SERPINB7: variants seen among roughly 807,000 people sequenced by gnomAD.
SERPINB7 encodes serpin B7.
A neutral mutation model predicts 37.4 loss-of-function variants in SERPINB7; 31 were observed. The observed-to-expected ratio is 0.83, with a 90% CI of 0.62 to 1.12. The LOEUF (loss-of-function observed/expected upper bound fraction) is 1.12, where lower values mean the gene tolerates loss of function less well. Among genes scored for constraint, SERPINB7 ranks in the 50% most tolerant of loss-of-function variants. The probability of loss-of-function intolerance (pLI) is 0.00; values close to 1 mark genes in which losing one functional copy is unlikely to be tolerated. For synonymous variants in SERPINB7, 163 were observed against 166.1 expected, an observed-to-expected ratio of 0.98 and a Z score of 0.14; for missense variants, 521 against 455.3, an observed-to-expected ratio of 1.14 and a Z score of -1.31.
Position 63,804,795 on chromosome 18 carries a change from C to A in SERPINB7, c.*160C>A. On this transcript the variant is annotated 3_prime_UTR_variant, in exon 8 of 8. Coordinates refer to ENST00000398019, the MANE Select transcript of SERPINB7 (RefSeq NM_003784.4). ...CACTGGTGACTTGACCCTTCCTAGACACCTGGTTGATTGTCCTGATCCCTG... is the reference window on the plus strand; with the variant it reads ...CACTGGTGACTTGACCCTTCCTAGAAACCTGGTTGATTGTCCTGATCCCTG... 1 of 664,082 alleles carries A rather than the reference C, an allele frequency of 1.5e-6. No individual in the cohort carries two copies. Among genetic ancestry groups the A allele is most frequent in the East Asian group, 2.7e-5 (1 of 36,676 alleles). The allele number at this position is 664,082 out of a possible 1,614,324, so 41.1% of individuals were successfully genotyped here.
intron 1 of SERPINB7, among the ~76,000 whole-genome samples, chr18:63,776,323 AG>A (rs1466769661): frequency 6.6e-6 from 1 of 151,996 alleles, no homozygotes; most frequent in Non-Finnish European, 1.5e-5. Context: ...CCCACCCACT[AG>A]GGGTAACTAA....
upstream of SERPINB7, among the ~76,000 whole-genome samples, chr18:63,772,005 G>A (rs544839616): frequency 1.5e-4 from 23 of 151,812 alleles, no homozygotes; most frequent in Admixed American, 1.2e-3. Context: ...TACATGTGCA[G>A]GTTTGTTATA....
intron 2 of SERPINB7, among the ~76,000 whole-genome samples, chr18:63,783,233 A>G (rs1296064247): frequency 1.5e-5 from 1 of 65,062 alleles, no homozygotes; most frequent in African/African-American, 4.6e-5. Flanking sequence ...AGAGAGAGAG[A>G]GAAAGAAAGA....
upstream of SERPINB7, among the ~76,000 whole-genome samples, chr18:63,771,303 G>A (rs1443985538): frequency 6.6e-6 from 1 of 152,066 alleles, no homozygotes; most frequent in African/African-American, 2.4e-5. Context: ...CTTCAAGGAA[G>A]CCTAAGTGAA....
chr18:63,759,037 G>A (rs1380856819), intron 1 of SERPINB7, among the ~76,000 whole-genome samples: 8 of 152,082 alleles, frequency 5.3e-5, no homozygotes, highest in African/African-American at 1.4e-4. Context: ...CTCCTAATAC[G>A]TTTCTACTTG....
intron 1 of SERPINB7, among the ~76,000 whole-genome samples, chr18:63,779,633 A>ATT (rs530112561): frequency 6.7e-6 from 1 of 149,684 alleles, no homozygotes. Flanking sequence ...CTCTGTCGTG[A>ATT]TTTTTTTTTT....
intron 5 of SERPINB7, 121 bp downstream of exon 5, chr18:63,796,504 T>C (rs1362439039): frequency 3.6e-6 from 2 of 562,736 alleles, no homozygotes; most frequent in African/African-American, 1.9e-5. Flanking sequence ...AAAGTAATGA[T>C]TGCTGCTACT....
chr18:63,784,253 A>G (rs141214601), intron 2 of SERPINB7, among the ~76,000 whole-genome samples: 7 of 152,284 alleles, frequency 4.6e-5, no homozygotes, highest in Non-Finnish European at 1.0e-4. Flanking sequence ...CTTTGGCACT[A>G]TTGACATTTT....
chr18:63,790,588 A>C (rs955659759), intron 2 of SERPINB7, among the ~76,000 whole-genome samples: 1 of 152,226 alleles, frequency 6.6e-6, no homozygotes, highest in Non-Finnish European at 1.5e-5. Flanking sequence ...AGTTATAAAC[A>C]ATAAGAAAGA....
chr18:63,790,894 G>T (rs2049419838), intron 2 of SERPINB7, among the ~76,000 whole-genome samples: 1 of 152,134 alleles, frequency 6.6e-6, no homozygotes. Context: ...CAACCCAAAT[G>T]CCCAGCAATG....
chr18:63,774,611 C>T (rs1477071211), upstream of SERPINB7, among the ~76,000 whole-genome samples: 1 of 152,060 alleles, frequency 6.6e-6, no homozygotes, highest in Non-Finnish European at 1.5e-5. Context: ...TTTCAAAGTG[C>T]AAACCCACTT....
At chr18:63,783,186 A>AAGAAAGAG (rs2049320533) in intron 2 of SERPINB7, among the ~76,000 whole-genome samples, 10 of 75,320 alleles carry the variant, frequency 1.3e-4, no homozygotes, top group African/African-American at 3.0e-4. Context: ...GAAAGAAAGA[A>AAGAAAGAG]AGAGAGAGAG....
chr18:63,784,994 G>T (rs1568208764), intron 2 of SERPINB7, among the ~76,000 whole-genome samples: 1 of 152,196 alleles, frequency 6.6e-6, no homozygotes, highest in Non-Finnish European at 1.5e-5. Flanking sequence ...AACTGAGAGA[G>T]CTGCTGTTCT....
chr18:63,804,206 A>G, intron 7 of SERPINB7, 31 bp from the exon 8 acceptor site: 1 of 1,461,018 alleles, frequency 6.8e-7, no homozygotes, highest in Non-Finnish European at 9.2e-7. Context: ...TGACCATATG[A>G]TTCTAAATTA....
At chr18:63,771,113 A>G (rs2049208686), upstream of SERPINB7, among the ~76,000 whole-genome samples, 1 of 152,066 alleles carries the variant, frequency 6.6e-6, no homozygotes, top group East Asian at 1.9e-4. Context: ...ATGTACAAGA[A>G]AGTAAGAGAC....
chr18:63,774,838 C>G (rs1044878262), upstream of SERPINB7, among the ~76,000 whole-genome samples: 1 of 151,884 alleles, frequency 6.6e-6, no homozygotes, highest in African/African-American at 2.4e-5. Flanking sequence ...CTGGAAAATT[C>G]CAAGCCAGAG....
At chr18:63,762,205 G>T (rs141667970) in intron 1 of SERPINB7, among the ~76,000 whole-genome samples, 1 of 152,168 alleles carries the variant, frequency 6.6e-6, no homozygotes, top group Non-Finnish European at 1.5e-5. Flanking sequence ...AAGAAAATTC[G>T]TTCAGTCAAT....
intron 1 of SERPINB7, among the ~76,000 whole-genome samples, chr18:63,755,378 A>G (rs1427982011): frequency 6.6e-6 from 1 of 152,078 alleles, no homozygotes; most frequent in African/African-American, 2.4e-5. Context: ...CAATTTTTGG[A>G]TTGCAGGAGG....
intron 1 of SERPINB7, among the ~76,000 whole-genome samples, chr18:63,778,940 T>TAGG (rs2049276147): frequency 6.6e-6 from 1 of 152,182 alleles, no homozygotes; most frequent in Non-Finnish European, 1.5e-5. Context: ...CTAAAATATT[T>TAGG]ATGCAAGAAA....
Sources: gnomAD v4.1 joint callset for allele counts (sites outside exome capture counted in the v4.1 genomes callset) on GRCh38, gnomAD v4.1.1 for gene constraint, MANE v1.5 for transcripts, NCBI Gene and HGNC (gene_info 2026-07-23, HGNC 2026-07-21) for gene names.